NR5A1: variants seen among roughly 807,000 people sequenced by gnomAD.
The protein encoded by NR5A1 is nuclear receptor subfamily 5 group A member 1.
In NR5A1, 6 loss-of-function variants were observed where a neutral mutation model predicts 42.7. The observed-to-expected ratio is 0.14, with a 90% CI of 0.08 to 0.28. The LOEUF is 0.28. NR5A1 is among the 10% of genes least tolerant of loss of function. The probability of loss-of-function intolerance (pLI) is 1.00; values close to 1 mark genes in which losing one functional copy is unlikely to be tolerated. For synonymous variants in NR5A1, 274 were observed against 277.5 expected (o/e 0.99, Z 0.12); for missense variants, 442 against 626.4 (o/e 0.71, Z 3.14).
At chr9:124,486,390 C>G (rs1832210092) in intron 6 of NR5A1, among the ~76,000 whole-genome samples, 1 of 152,212 alleles carries the variant, frequency 6.6e-6, no homozygotes, top group Admixed American at 6.5e-5. Flanking sequence ...CTCAGGGAAC[C>G]AGGGCCCCCT....
At chr9:124,484,562 C>T (rs550605434) in intron 6 of NR5A1, among the ~76,000 whole-genome samples, 4 of 152,136 alleles carry the variant, frequency 2.6e-5, no homozygotes, top group Admixed American at 2.0e-4. Flanking sequence ...ACCAGCCTGG[C>T]CAACATGGTG....
chr9:124,491,073 G>A lies in NR5A1; in HGVS notation c.1138+8C>T, dbSNP rs754283428. On this transcript the variant is annotated splice_region_variant and intron_variant, in intron 6 of 6. Transcript: ENST00000373588. ...TCTCCACCTCTCTGTCACTGGAGCT[G>A]CACTCACCCAGGCTGAAGAGGATGA... 5 of 1,576,024 alleles carry A rather than the reference G, an allele frequency of 3.2e-6. No homozygotes were observed. The Admixed American group carries it at 7.1e-5, about 22-fold the overall frequency.
chr9:124,491,015 T>TCCCCCCC, intron 6 of NR5A1, 66 bp downstream of exon 6: 2 of 634,816 alleles, frequency 3.2e-6, no homozygotes, highest in East Asian at 3.9e-5. Flanking sequence ...CTCTCCAGCC[T>TCCCCCCC]CACCCACCCT....
intron 5 of NR5A1, among the ~76,000 whole-genome samples, chr9:124,491,579 G>C (rs1010028291): frequency 6.6e-6 from 1 of 152,106 alleles, no homozygotes; most frequent in African/African-American, 2.4e-5. Context: ...GAGGGGTTGG[G>C]GAGGGCAGGC....
chr9:124,502,931 C>T (rs1420190074), intron 3 of NR5A1, 148 bp downstream of exon 3: 4 of 1,196,100 alleles, frequency 3.3e-6, no homozygotes, highest in South Asian at 1.6e-5. Flanking sequence ...CGCCAGCGCC[C>T]GGTTCTCTTG....
chr9:124,501,068 C>T lies in NR5A1; in HGVS notation c.245-353G>A. 1.8e-6 allele frequency: 1 copy of T among 555,470 alleles called. No individual in the cohort carries two copies. Among genetic ancestry groups the T allele is most frequent in the Non-Finnish European group, 3.5e-6 (1 of 283,266 alleles). 34.4% of individuals were successfully genotyped at this position (555,470 alleles called of 1,614,324 possible). A position where few individuals can be genotyped will look rare whatever the true frequency, so the allele number is the denominator to read the frequency against. The stretch of plus-strand genomic sequence containing the variant: ...ACACCCAGCCTCAATGTCACTACTT[C>T]CAGGAAGCACTCCTGGATTCATGCA... On this transcript the variant is annotated intron_variant, in intron 3 of 6. Coordinates refer to ENST00000373588, the MANE Select transcript of NR5A1 (RefSeq NM_004959.5). The surrounding 1 kb of genome is among the most constrained non-coding windows in gnomAD (Gnocchi z 4.1).
In NR5A1 at chr9:124,498,313, G is replaced by A. The variant is rs1313773526; in HGVS notation, c.870+1777C>T. ...GGCTGGGCTGGTACTTATCTGCAAG[G>A]CCCCTTTAGAGAAGCTGGTGACCAC... On this transcript the variant is annotated intron_variant, in intron 4 of 6. Transcript: ENST00000373588. The surrounding 1 kb of genome is among the most constrained non-coding windows in gnomAD (Gnocchi z 4.6). Among the ~76,000 whole-genome samples the A allele has an allele frequency of 1.3e-5, 2 of 152,228 alleles. No homozygotes were observed. The highest frequency in any genetic ancestry group is 6.5e-5 in the Admixed American group (1 of 15,288).
intron 1 of NR5A1, among the ~76,000 whole-genome samples, chr9:124,506,375 C>A (rs1008685214): frequency 1.3e-5 from 2 of 152,202 alleles, no homozygotes; most frequent in Admixed American, 6.5e-5. Context: ...CCCCGCACCC[C>A]CAAACCCCTG....
At chr9:124,483,893 G>A (rs1404622541) in intron 6 of NR5A1, among the ~76,000 whole-genome samples, 1 of 152,178 alleles carries the variant, frequency 6.6e-6, no homozygotes, top group East Asian at 1.9e-4. Flanking sequence ...ACTCTCATGG[G>A]GCCATGGGGG....
At position 124,500,068 on chromosome 9, in the gene NR5A1, C is replaced by T; in HGVS notation, c.870+22G>A. 2 of 1,613,042 alleles carry T rather than the reference C, an allele frequency of 1.2e-6. No homozygotes were observed. The highest frequency in any genetic ancestry group is 1.7e-4 in the Middle Eastern group (1 of 6,058). On this transcript the variant is annotated intron_variant, in intron 4 of 6. Coordinates refer to ENST00000373588, the MANE Select transcript of NR5A1 (RefSeq NM_004959.5). This position sits in a 1 kb window ranked among gnomAD's most constrained non-coding sequence, Gnocchi z 6.9. ...CGGGAGGACCATGATGCAGGGCCAG[C>T]CGGGCGGGAGGAGAGACTCACCTCC...
chr9:124,483,396 A>G (rs1832160744), intron 6 of NR5A1, among the ~76,000 whole-genome samples: 1 of 152,132 alleles, frequency 6.6e-6, no homozygotes, highest in Admixed American at 6.5e-5. Flanking sequence ...CAGTTATTGA[A>G]CCTCTCGGTC....
rs1268407961 is a variant in NR5A1, at chr9:124,500,545, C to T, written c.415G>A (p.Val139Met). The stretch of plus-strand genomic sequence containing the variant: ...GGCCCATGCAGGCTGGGAGGCAGCA[C>T]GTAGTCCGGTGCGGGAGGGGGCGGC... ...PPPPPPAPDYVLPPSLHGPEP... is the reference protein window; with the variant it reads ...PPPPPPAPDYMLPPSLHGPEP... The change falls in exon 4 of 7, where the codon GTG becomes ATG. Residue 139 changes from valine (V) to methionine (M), a missense_variant. Coordinates refer to ENST00000373588, the MANE Select transcript of NR5A1 (RefSeq NM_004959.5). This position sits in a 1 kb window ranked among gnomAD's most constrained non-coding sequence, Gnocchi z 6.9. 5.6e-6 allele frequency: 9 copies of T among 1,609,710 alleles called. No homozygotes were observed. Among genetic ancestry groups the T allele is most frequent in the African/African-American group, 1.3e-5 (1 of 74,898 alleles).
intron 6 of NR5A1, among the ~76,000 whole-genome samples, chr9:124,484,370 G>A (rs1378450293): frequency 6.6e-6 from 1 of 152,152 alleles, no homozygotes; most frequent in East Asian, 1.9e-4. Context: ...CACAATGCAG[G>A]GCAAAGCCTG....
chr9:124,503,450 C>T lies in NR5A1; in HGVS notation c.-15-40G>A, dbSNP rs1352715076. ...CGGGTCAGGGAGGGCCGGCGGAGAC[C>T]GGCAGCCTGGGGTCCCCGCGGCCGC... On this transcript the variant is annotated intron_variant, in intron 1 of 6. Coordinates refer to ENST00000373588, the MANE Select transcript of NR5A1 (RefSeq NM_004959.5). The surrounding 1 kb of genome is among the most constrained non-coding windows in gnomAD (Gnocchi z 9.6). The T allele has an allele frequency of 6.5e-7, 1 of 1,532,044 alleles. No individual in the cohort carries two copies. The highest frequency in any genetic ancestry group is 8.8e-7 in the Non-Finnish European group (1 of 1,132,508). 94.9% of individuals were successfully genotyped at this position (1,532,044 alleles called of 1,614,324 possible).
Position 124,500,721 on chromosome 9 carries a change from G to A in NR5A1, c.245-6C>T, listed in dbSNP as rs1429667527. 6.2e-7 allele frequency: 1 copy of A among 1,612,638 alleles called. No homozygotes were observed. Among genetic ancestry groups the A allele is most frequent in the South Asian group, 1.1e-5 (1 of 91,082 alleles). On this transcript the variant is annotated splice_region_variant and splice_polypyrimidine_tract_variant and intron_variant, in intron 3 of 6. Coordinates refer to ENST00000373588, the MANE Select transcript of NR5A1 (RefSeq NM_004959.5). The surrounding 1 kb of genome is among the most constrained non-coding windows in gnomAD (Gnocchi z 6.9). ...CATACGGTCAGCGCGCACGGCTGTG[G>A]GCAGGGGCAGAGGGTCAGACTCACC... is the stretch of plus-strand genomic sequence containing the variant.
rs1349707196 is a variant in NR5A1, at chr9:124,500,959, T to C, written c.245-244A>G. On this transcript the variant is annotated intron_variant, in intron 3 of 6. Coordinates refer to ENST00000373588, the MANE Select transcript of NR5A1 (RefSeq NM_004959.5). The surrounding 1 kb of genome is among the most constrained non-coding windows in gnomAD (Gnocchi z 6.9). ...TCCACCGAACTCACCTCCACTCCTC[T>C]GTTTGACACATCTCCTTCCTCCTCC... 6.9e-6 allele frequency: 5 copies of C among 722,246 alleles called. No individual in the cohort carries two copies. The East Asian group carries it at 1.3e-4, about 19-fold the overall frequency. 44.7% of individuals were successfully genotyped at this position (722,246 alleles called of 1,614,324 possible). A position where few individuals can be genotyped will look rare whatever the true frequency, so the allele number is the denominator to read the frequency against.
intron 4 of NR5A1, among the ~76,000 whole-genome samples, chr9:124,493,952 G>A (rs767211047): frequency 5.3e-5 from 8 of 152,248 alleles, no homozygotes; most frequent in Admixed American, 1.3e-4. Flanking sequence ...TCCGCCACCC[G>A]GAAAGGGCAA....
rs537437669 is a variant in NR5A1, at chr9:124,500,746, C to G, written c.245-31G>C. The G allele has an allele frequency of 1.4e-4, 225 of 1,612,028 alleles. No individual in the cohort carries two copies. The highest frequency in any genetic ancestry group is 5.0e-4 in the Middle Eastern group (3 of 6,040). ...GGCAGGGGCAGAGGGTCAGACTCAC[C>G]CTCTCTAAGCCCCCTTCCATGCTGC... On this transcript the variant is annotated intron_variant, in intron 3 of 6. Transcript: ENST00000373588. The surrounding 1 kb of genome is among the most constrained non-coding windows in gnomAD (Gnocchi z 6.9).
In NR5A1 at chr9:124,503,465, C is replaced by T. The variant is rs1024727701; in HGVS notation, c.-15-55G>A. ...CGGCGGAGACCGGCAGCCTGGGGTCCCCGCGGCCGCCGCCCCAGCCGCTGT... is the reference window on the plus strand; with the variant it reads ...CGGCGGAGACCGGCAGCCTGGGGTCTCCGCGGCCGCCGCCCCAGCCGCTGT... On this transcript the variant is annotated intron_variant, in intron 1 of 6. Transcript: ENST00000373588. This position sits in a 1 kb window ranked among gnomAD's most constrained non-coding sequence, Gnocchi z 9.6. 4.9e-6 allele frequency: 7 copies of T among 1,432,376 alleles called. No individual in the cohort carries two copies. Among genetic ancestry groups the T allele is most frequent in the Non-Finnish European group, 6.6e-6 (7 of 1,053,422 alleles). 88.7% of individuals were successfully genotyped at this position (1,432,376 alleles called of 1,614,324 possible).
Sources: gnomAD v4.1 joint callset for allele counts (sites outside exome capture counted in the v4.1 genomes callset) on GRCh38, gnomAD v4.1.1 for gene constraint, Gnocchi (gnomAD v3.1) non-coding constraint, MANE v1.5 for transcripts, NCBI Gene and HGNC (gene_info 2026-07-23, HGNC 2026-07-21) for gene names.